Variants in SLC39A12 observed in about 807,000 individuals in gnomAD.
The protein encoded by SLC39A12 is solute carrier family 39 member 12, also known as zinc transporter ZIP12.
A neutral mutation model predicts 71.1 loss-of-function variants in SLC39A12; 63 were observed. The observed-to-expected ratio is 0.89, with a 90% confidence interval of 0.72 to 1.09. SLC39A12 has a LOEUF of 1.09. SLC39A12 is among the 50% of genes least tolerant of loss of function. SLC39A12 has a pLI of 0.00. For missense variants in SLC39A12, 892 were observed against 812.6 expected (o/e 1.10, Z -1.19); for synonymous variants, 351 against 301.3 (o/e 1.16, Z -1.71).
chr10:17,956,992 T>C (rs1589217023), intron 2 of SLC39A12, among the ~76,000 whole-genome samples: 2 of 152,124 alleles, frequency 1.3e-5, no homozygotes, highest in Admixed American at 6.6e-5. Flanking sequence ...TTACAATCAA[T>C]TGTTAGCCAC....
At chr10:17,997,141 A>G (rs1370524844) in intron 10 of SLC39A12, among the ~76,000 whole-genome samples, 1 of 152,138 alleles carries the variant, frequency 6.6e-6, no homozygotes, top group Non-Finnish European at 1.5e-5. Flanking sequence ...TGTTTTATTC[A>G]TTCAAGAAAT....
chr10:17,977,286 A>C (rs1162102047), intron 4 of SLC39A12, among the ~76,000 whole-genome samples: 3 of 151,254 alleles, frequency 2.0e-5, no homozygotes, highest in Non-Finnish European at 4.4e-5. Context: ...GCTGAATCCA[A>C]CATCTGGAAA....
intron 1 of SLC39A12, among the ~76,000 whole-genome samples, chr10:17,952,571 C>A (rs1834431021): frequency 6.6e-6 from 1 of 150,976 alleles, no homozygotes; most frequent in African/African-American, 2.4e-5. Flanking sequence ...CACTGCAACC[C>A]CCGCCTCCCG....
intron 12 of SLC39A12, among the ~76,000 whole-genome samples, chr10:18,025,093 T>G (rs1245353802): frequency 3.3e-5 from 5 of 152,232 alleles, no homozygotes; most frequent in Non-Finnish European, 7.3e-5. Flanking sequence ...GATTGCTTAG[T>G]TGAATCAATA....
intron 12 of SLC39A12, among the ~76,000 whole-genome samples, chr10:18,033,712 T>A (rs1836918079): frequency 7.2e-6 from 1 of 139,032 alleles, no homozygotes; most frequent in African/African-American, 2.7e-5. Flanking sequence ...GTGTTTGCTC[T>A]TGCTTTTCTA....
intron 12 of SLC39A12, among the ~76,000 whole-genome samples, chr10:18,017,428 C>A (rs1836416157): frequency 6.6e-6 from 1 of 152,192 alleles, no homozygotes; most frequent in Non-Finnish European, 1.5e-5. Context: ...CCTGCCTCAG[C>A]CTCCTGAGTA....
intron 12 of SLC39A12, among the ~76,000 whole-genome samples, chr10:18,010,016 A>T (rs1010760665): frequency 6.6e-6 from 1 of 152,204 alleles, no homozygotes; most frequent in African/African-American, 2.4e-5. Flanking sequence ...TCTCTTCTTC[A>T]TCATATAACT....
chr10:17,963,454 G>A (rs1379303225), intron 3 of SLC39A12, among the ~76,000 whole-genome samples: 1 of 152,122 alleles, frequency 6.6e-6, no homozygotes, highest in Non-Finnish European at 1.5e-5. Flanking sequence ...AGATAAAGCA[G>A]CCCCAGAACA....
intron 12 of SLC39A12, among the ~76,000 whole-genome samples, chr10:18,020,871 A>G (rs562936196): frequency 1.3e-5 from 2 of 151,974 alleles, no homozygotes; most frequent in South Asian, 2.1e-4. Context: ...TGGATATTAG[A>G]CCTTTGTTAG....
chr10:18,008,217 C>T (rs1200802973), intron 12 of SLC39A12, among the ~76,000 whole-genome samples: 1 of 152,206 alleles, frequency 6.6e-6, no homozygotes, highest in Non-Finnish European at 1.5e-5. Context: ...CTTACAGCCG[C>T]TCTGCATTGC....
intron 7 of SLC39A12, among the ~76,000 whole-genome samples, chr10:17,988,052 A>G (rs1835449574): frequency 6.6e-6 from 1 of 152,206 alleles, no homozygotes; most frequent in African/African-American, 2.4e-5. Flanking sequence ...ATGCACCGGT[A>G]GTCCCAGCAC....
At chr10:17,985,359 A>T (rs1213556299) in intron 6 of SLC39A12, among the ~76,000 whole-genome samples, 1 of 152,158 alleles carries the variant, frequency 6.6e-6, no homozygotes, top group East Asian at 1.9e-4. Context: ...AAATAAAATA[A>T]AATGATCTAA....
chr10:17,996,641 C>G (rs1488603686), intron 10 of SLC39A12, among the ~76,000 whole-genome samples: 1 of 152,128 alleles, frequency 6.6e-6, no homozygotes, highest in African/African-American at 2.4e-5. Flanking sequence ...TAGTTGTTAG[C>G]GAGGTTAAAT....
intron 12 of SLC39A12, among the ~76,000 whole-genome samples, chr10:18,041,221 C>G (rs1258725342): frequency 1.3e-5 from 2 of 152,084 alleles, no homozygotes. Flanking sequence ...ACCCTTCCCT[C>G]TAAATGGTGT....
At chr10:18,017,652 T>C (rs1234616701) in intron 12 of SLC39A12, among the ~76,000 whole-genome samples, 2 of 152,216 alleles carry the variant, frequency 1.3e-5, no homozygotes, top group South Asian at 2.1e-4. Flanking sequence ...AGGCCATTGC[T>C]CCATTTTATT....
chr10:18,036,984 A>G (rs34810234), intron 12 of SLC39A12, among the ~76,000 whole-genome samples: 4 of 151,234 alleles, frequency 2.6e-5, no homozygotes, highest in Admixed American at 2.6e-4. Context: ...TCTGCGTTTC[A>G]CCATATTGGC....
intron 10 of SLC39A12, among the ~76,000 whole-genome samples, chr10:17,998,429 A>T (rs1248384817): frequency 1.3e-5 from 2 of 152,170 alleles, no homozygotes; most frequent in African/African-American, 4.8e-5. Flanking sequence ...AAGTTTTTTT[A>T]AATTTCCTTT....
Position 17,991,258 on chromosome 10 carries a change from C to T in SLC39A12, c.1377C>T (p.Phe459=). 1 of 1,593,726 alleles carries T rather than the reference C, an allele frequency of 6.3e-7. No individual in the cohort carries two copies. Among genetic ancestry groups the T allele is most frequent in the Non-Finnish European group, 8.5e-7 (1 of 1,173,194 alleles). The change falls in exon 8 of 13, where the codon TTC becomes TTT. Residue 459 remains phenylalanine, a synonymous_variant. Transcript: ENST00000377369. ...TAATTGGAGGCATCCATGGATTTTT[C>T]TTGATAGAAAAATGTTTTATTCTTC... ...MGLIGGIHGF[F]LIEKCFILLV... is the part of the protein sequence containing the mutation.
chr10:17,990,655 G>A (rs1835519523), intron 7 of SLC39A12, among the ~76,000 whole-genome samples: 1 of 152,010 alleles, frequency 6.6e-6, no homozygotes. Flanking sequence ...TGCTCCCAAA[G>A]GAACAAGTTC....
Sources: allele counts gnomAD v4.1 joint callset (sites outside exome capture counted in the v4.1 genomes callset), GRCh38; gene constraint gnomAD v4.1.1; transcripts MANE v1.5; gene names NCBI Gene and HGNC (gene_info 2026-07-23, HGNC 2026-07-21).